SCAMP3: variants seen among roughly 807,000 people sequenced by gnomAD.
SCAMP3 encodes the protein secretory carrier-associated membrane protein 3.
SCAMP3 carries 30 observed loss-of-function variants against 44.1 expected under a neutral mutation model. That is an observed-to-expected ratio of 0.68 (90% confidence interval 0.51 to 0.92). The LOEUF is 0.92. SCAMP3 is among the 40% of genes least tolerant of loss of function. SCAMP3 has a pLI of 0.00. For missense variants in SCAMP3, 394 were observed against 440.0 expected (o/e 0.90, Z 0.93); for synonymous variants, 168 against 171.1 (o/e 0.98, Z 0.14).
chr1:155,262,115 C>G lies in SCAMP3; in HGVS notation c.37G>C (p.Glu13Gln), dbSNP rs1423709040. ...AAGGGGTTGTCAAGCTCGCTGGGCT[C>G]GGCGAACGGGTTTCCGCCGTCTCTG... ...QSRDGGNPFA[E>Q]PSELDNPFQD... Residue 13 changes from glutamate (E) to glutamine (Q), a missense_variant, in exon 1 of 9, where the codon GAG (glutamate) becomes CAG (glutamine). Glu to Gln is a conservative substitution (Grantham distance 29). Transcript: ENST00000302631. The G allele has an allele frequency of 6.2e-7, 1 of 1,613,998 alleles. No homozygotes were observed. Among genetic ancestry groups the G allele is most frequent in the Non-Finnish European group, 8.5e-7 (1 of 1,180,038 alleles).
At position 155,262,338 on chromosome 1, in the gene SCAMP3, T is replaced by C; in HGVS notation, c.-187A>G. 6.7e-6 allele frequency: 4 copies of C among 594,302 alleles called. No homozygotes were observed. The highest frequency in any genetic ancestry group is 1.2e-5 in the Non-Finnish European group (4 of 338,434). The allele number at this position is 594,302 out of a possible 1,614,324, so 36.8% of individuals were successfully genotyped here. A position where few individuals can be genotyped will look rare whatever the true frequency, so the allele number is the denominator to read the frequency against. On this transcript the variant is annotated 5_prime_UTR_variant, in exon 1 of 9. Transcript: ENST00000302631. ...GCAGCCGTGGGTTGCGCCTGCGTCT[T>C]GTCCAAAAGCTAAGACGAAAGTGCC...
chr1:155,261,701 G>A lies in SCAMP3; in HGVS notation c.100C>T (p.Gln34Ter). ...TTGTAGACGTCAAGCGTGGCATACT[G>A]CCGGCTGGGTCGGTGCTGGATCACA... ...PAVIQHRPSR[Q>*]YATLDVYNPF... The change falls in exon 2 of 9, where the codon CAG becomes TAG. Residue 34 changes from glutamine to a stop codon, truncating the protein, a stop_gained. Coordinates refer to ENST00000302631, the MANE Select transcript of SCAMP3 (RefSeq NM_005698.4). LOFTEE classifies it high-confidence loss of function. The A allele has an allele frequency of 6.2e-7, 1 of 1,614,054 alleles. No individual in the cohort carries two copies. Among genetic ancestry groups the A allele is most frequent in the Admixed American group, 1.7e-5 (1 of 60,014 alleles).
Position 155,257,331 on chromosome 1 carries a change from C to G in SCAMP3, c.733G>C (p.Val245Leu). The G allele has an allele frequency of 1.2e-6, 2 of 1,614,050 alleles. No individual in the cohort carries two copies. Among genetic ancestry groups the G allele is most frequent in the Non-Finnish European group, 1.7e-6 (2 of 1,179,966 alleles). The change falls in exon 7 of 9, where the codon GTG becomes CTG. Residue 245 changes from valine (V) to leucine (L), a missense_variant. By Grantham distance (32) the Val-to-Leu change is conservative (BLOSUM62 1). Coordinates refer to ENST00000302631, the MANE Select transcript of SCAMP3 (RefSeq NM_005698.4). ...VFFFIFFVQD[V>L]LFVLQAIGIP... ...CCAATGGCCTGGAGGACAAAGAGCA[C>G]ATCCTGGACGAAGAAAATGAAGAAG...
chr1:155,258,494 G>A (rs1572003893), intron 5 of SCAMP3, among the ~76,000 whole-genome samples: 2 of 151,654 alleles, frequency 1.3e-5, no homozygotes, highest in Admixed American at 6.6e-5. Flanking sequence ...GTGCCACCAC[G>A]CCCAGGTAAT....
At chr1:155,258,023 C>T (rs12402253) in intron 5 of SCAMP3, among the ~76,000 whole-genome samples, 113 of 99,924 alleles carry the variant, frequency 1.1e-3, no homozygotes, top group East Asian at 3.5e-3. Context: ...TTTTTTTTTT[C>T]TTTTTTTTTT....
chr1:155,260,299 C>G (rs762370259), intron 4 of SCAMP3, 31 bp downstream of exon 4: 1 of 1,605,688 alleles, frequency 6.2e-7, no homozygotes, highest in East Asian at 2.2e-5. Flanking sequence ...CTCCCAAACT[C>G]TCAGATGCTC....
At chr1:155,259,028 T>A in intron 4 of SCAMP3, 74 bp from the exon 5 acceptor site, 8 of 1,060,346 alleles carry the variant, frequency 7.5e-6, no homozygotes, top group South Asian at 1.6e-5. Context: ...CCCCCTTCTC[T>A]CCATCCCTGG....
chr1:155,258,788 T>C (rs756602686), intron 5 of SCAMP3, 38 bp downstream of exon 5: 4 of 1,570,720 alleles, frequency 2.5e-6, no homozygotes, highest in Non-Finnish European at 3.5e-6. Context: ...TTAAGAGATC[T>C]ACCTGTAACT....
At chr1:155,258,553 C>A (rs756813205) in intron 5 of SCAMP3, among the ~76,000 whole-genome samples, 50 of 151,732 alleles carry the variant, frequency 3.3e-4, no homozygotes, top group Non-Finnish European at 6.0e-4. Flanking sequence ...TCAGGCTAGT[C>A]TCAAACTTCT....
At chr1:155,261,505 G>A (rs1258792882) in intron 2 of SCAMP3, 152 bp downstream of exon 2, 2 of 737,680 alleles carry the variant, frequency 2.7e-6, no homozygotes, top group Admixed American at 2.0e-5. Context: ...GAAGGATGAG[G>A]CATCCCATGG....
chr1:155,257,255 A>AAGGTG (rs1215323410), intron 7 of SCAMP3, 30 bp downstream of exon 7: 2 of 1,419,244 alleles, frequency 1.4e-6, no homozygotes, highest in Non-Finnish European at 2.0e-6. Flanking sequence ...TCTAGAGGGA[A>AAGGTG]AGGTGAGGGT....
chr1:155,260,549 T>A lies in SCAMP3; in HGVS notation c.255A>T (p.Ser85=), dbSNP rs765706990. The A allele has an allele frequency of 5.6e-5, 91 of 1,614,064 alleles. No homozygotes were observed. The highest frequency in any genetic ancestry group is 6.9e-5 in the Non-Finnish European group (81 of 1,180,048). ...ACACCTCCTGTACCTGAGTGCTGTATGAGCCATAGTTCTTAGGTTCTGTGG... is the reference window on the plus strand; with the variant it reads ...ACACCTCCTGTACCTGAGTGCTGTAAGAGCCATAGTTCTTAGGTTCTGTGG... ...LSPTEPKNYG[S]YSTQASAAAA... The change falls in exon 3 of 9, where the codon TCA becomes TCT. Residue 85 remains serine (S), a synonymous_variant. Coordinates refer to ENST00000302631, the MANE Select transcript of SCAMP3 (RefSeq NM_005698.4).
At position 155,261,744 on chromosome 1, in the gene SCAMP3, G is replaced by C; in HGVS notation, c.67-10C>G. 6.2e-7 allele frequency: 1 copy of C among 1,613,460 alleles called. No homozygotes were observed. Among genetic ancestry groups the C allele is most frequent in the South Asian group, 1.1e-5 (1 of 91,080 alleles). On this transcript the variant is annotated splice_polypyrimidine_tract_variant and intron_variant, in intron 1 of 8. Transcript: ENST00000302631. ...GGATCACAGCTGGGTCCTGAGGGCA[G>C]AGACCCGGGTCTCAGCTGGCACCCA...
intron 1 of SCAMP3, 49 bp downstream of exon 1, chr1:155,262,036 CG>C (rs748866421): frequency 8.3e-6 from 13 of 1,565,690 alleles, no homozygotes; most frequent in South Asian, 3.3e-5. Flanking sequence ...CCTACAGAAC[CG>C]GGAAGAATCA....
In SCAMP3 at chr1:155,258,884, G is replaced by A; in HGVS notation, c.459C>T (p.Ser153=). ...PVQPCFFQDI[S]MEIPQEFQKT... Reference sequence around the variant, plus strand: ...TCTGAAATTCTTGGGGGATCTCCATGGAGATGTCCTGGAAAAAGCAGGGCT... The same window carrying A: ...TCTGAAATTCTTGGGGGATCTCCATAGAGATGTCCTGGAAAAAGCAGGGCT... The change falls in exon 5 of 9, where the codon TCC becomes TCT. Residue 153 remains serine (S), a synonymous_variant. Coordinates refer to ENST00000302631, the MANE Select transcript of SCAMP3 (RefSeq NM_005698.4). 2 of 1,613,432 alleles carry A rather than the reference G, an allele frequency of 1.2e-6. No homozygotes were observed. Among genetic ancestry groups the A allele is most frequent in the East Asian group, 2.2e-5 (1 of 44,818 alleles).
chr1:155,260,029 G>T (rs1287192490), intron 4 of SCAMP3, among the ~76,000 whole-genome samples: 1 of 150,350 alleles, frequency 6.7e-6, no homozygotes, highest in Non-Finnish European at 1.5e-5. Flanking sequence ...TCGGCTCACT[G>T]CAACCTCCAC....
intron 5 of SCAMP3, 52 bp from the exon 6 acceptor site, chr1:155,257,709 T>C: frequency 6.7e-7 from 1 of 1,494,026 alleles, no homozygotes; most frequent in Non-Finnish European, 9.1e-7. Context: ...CAATGAAGGC[T>C]CCTTCCCATC....
intron 4 of SCAMP3, 142 bp from the exon 5 acceptor site, chr1:155,259,096 G>C: frequency 1.4e-6 from 1 of 715,034 alleles, no homozygotes; most frequent in Non-Finnish European, 2.1e-6. Flanking sequence ...GTTCAGGCTG[G>C]AAGGTAGTGG....
chr1:155,259,630 G>T (rs902947239), intron 4 of SCAMP3, among the ~76,000 whole-genome samples: 6 of 152,126 alleles, frequency 3.9e-5, no homozygotes, highest in African/African-American at 1.4e-4. Context: ...CTCCCAAAGT[G>T]TTGGAATTAC....
Sources: gnomAD v4.1 joint callset for allele counts (sites outside exome capture counted in the v4.1 genomes callset) on GRCh38, gnomAD v4.1.1 for gene constraint, MANE v1.5 for transcripts, NCBI Gene and HGNC (gene_info 2026-07-23, HGNC 2026-07-21) for gene names.